GLRB: variants seen among roughly 807,000 people sequenced by gnomAD.
The protein encoded by GLRB is glycine receptor beta, also known as glycine receptor subunit beta.
GLRB carries 33 observed loss-of-function variants against 54.2 expected under a neutral mutation model. The ratio of observed to expected loss-of-function variants is 0.61; its 90% CI spans 0.46 to 0.81. GLRB has a LOEUF of 0.81. GLRB is among the 40% of genes least tolerant of loss of function. The pLI, the probability that GLRB is intolerant of heterozygous loss-of-function variation, is 0.00. For synonymous variants in GLRB, 209 were observed against 208.2 expected, an observed-to-expected ratio of 1.00 and a Z score of -0.03; for missense variants, 572 against 584.6, an observed-to-expected ratio of 0.98 and a Z score of 0.22.
chr4:157,093,754 C>CAAAAAAAA (rs70958808), intron 2 of GLRB, among the ~76,000 whole-genome samples: 2 of 60,842 alleles, frequency 3.3e-5, no homozygotes, highest in Non-Finnish European at 6.3e-5. Flanking sequence ...GACTCCATCT[C>CAAAAAAAA]AAAAAAAAAA....
chr4:157,078,275 A>G, intron 2 of GLRB, 129 bp downstream of exon 2: 3 of 1,482,232 alleles, frequency 2.0e-6, no homozygotes, highest in Non-Finnish European at 2.7e-6. Context: ...TCTGTTACAG[A>G]GACAGAAAAT....
At chr4:157,165,024 G>A (rs912313159) in intron 9 of GLRB, among the ~76,000 whole-genome samples, 3 of 152,004 alleles carry the variant, frequency 2.0e-5, no homozygotes, top group South Asian at 2.1e-4. Context: ...AAAAGACAAC[G>A]AGAGATGCAT....
intron 4 of GLRB, among the ~76,000 whole-genome samples, chr4:157,128,278 G>C (rs985469183): frequency 6.6e-6 from 1 of 151,582 alleles, no homozygotes; most frequent in Non-Finnish European, 1.5e-5. Flanking sequence ...TCAACAATTT[G>C]TTATGGATAC....
At chr4:157,147,787 G>A (rs1202515995) in intron 8 of GLRB, among the ~76,000 whole-genome samples, 1 of 152,110 alleles carries the variant, frequency 6.6e-6, no homozygotes, top group African/African-American at 2.4e-5. Context: ...TCCTGTAGAA[G>A]GCCAGAGAGT....
chr4:157,137,323 T>G (rs1354105161), intron 6 of GLRB, among the ~76,000 whole-genome samples: 5 of 152,120 alleles, frequency 3.3e-5, no homozygotes, highest in African/African-American at 1.2e-4. Flanking sequence ...TAAACAACTT[T>G]TTTACAAAAT....
intron 8 of GLRB, among the ~76,000 whole-genome samples, chr4:157,150,403 T>C (rs1242085099): frequency 2.0e-5 from 3 of 152,066 alleles, no homozygotes. Context: ...TCTAACCGAA[T>C]GTGTGGAATT....
At chr4:157,122,910 A>G (rs1247972212) in intron 4 of GLRB, among the ~76,000 whole-genome samples, 1 of 151,678 alleles carries the variant, frequency 6.6e-6, no homozygotes, top group Non-Finnish European at 1.5e-5. Flanking sequence ...AAGATGGTGC[A>G]GCAAGATGAA....
rs967248525 is a variant in GLRB at position 157,138,888 on chromosome 4, A to G, written c.690A>G (p.Gln230=). The part of the protein sequence containing the change: ...PVQLEKIALP[Q]FDIKKEDIEY... ...AATTAGAAAAAATTGCCTTGCCTCAATTTGATATCAAAAAGGAAGATATTG... is the reference window on the plus strand; with the variant it reads ...AATTAGAAAAAATTGCCTTGCCTCAGTTTGATATCAAAAAGGAAGATATTG... The change falls in exon 7 of 10, where the codon CAA becomes CAG. Residue 230 remains glutamine, a synonymous_variant. Coordinates refer to ENST00000264428, the MANE Select transcript of GLRB (RefSeq NM_000824.5). 2.0e-5 allele frequency: 30 copies of G among 1,504,014 alleles called. No individual in the cohort carries two copies. Among genetic ancestry groups the G allele is most frequent in the Non-Finnish European group, 2.7e-5 (29 of 1,080,706 alleles). The allele number at this position is 1,504,014 out of a possible 1,614,324, so 93.2% of individuals were successfully genotyped here.
At chr4:157,118,957 A>AGTC (rs946055081) in intron 2 of GLRB, among the ~76,000 whole-genome samples, 13 of 151,518 alleles carry the variant, frequency 8.6e-5, no homozygotes, top group African/African-American at 3.1e-4. Flanking sequence ...AATGGGAAAA[A>AGTC]TTATTATGCA....
Position 157,078,029 on chromosome 4 carries a change from AGTTTT to A in GLRB, c.6_10del (p.Lys2AsnfsTer20). 1 of 1,609,960 alleles carries A rather than the reference AGTTTT, an allele frequency of 6.2e-7. No individual in the cohort carries two copies. The highest frequency in any genetic ancestry group is 8.5e-7 in the Non-Finnish European group (1 of 1,176,768). ...TCTGAAATTCAAGTTTTCAAGATGA[AGTTTT>A]TATTGACAACTGCCTTTTTAATTTT... On this transcript the variant is annotated frameshift_variant, in exon 2 of 10. Coordinates refer to ENST00000264428, the MANE Select transcript of GLRB (RefSeq NM_000824.5). LOFTEE classifies it high-confidence loss of function.
chr4:157,098,845 C>T (rs1366784395), intron 2 of GLRB, among the ~76,000 whole-genome samples: 1 of 151,992 alleles, frequency 6.6e-6, no homozygotes, highest in East Asian at 1.9e-4. Context: ...TGACCTCAGG[C>T]AATCCACCTG....
chr4:157,158,566 C>T (rs889875985), intron 9 of GLRB, among the ~76,000 whole-genome samples: 6 of 152,162 alleles, frequency 3.9e-5, no homozygotes, highest in African/African-American at 1.2e-4. Flanking sequence ...CCAGTTTTCC[C>T]AGCACCATTT....
intron 9 of GLRB, among the ~76,000 whole-genome samples, chr4:157,165,976 T>C (rs1227451172): frequency 1.3e-5 from 2 of 152,056 alleles, no homozygotes; most frequent in East Asian, 1.9e-4. Context: ...CTGTAGAGGA[T>C]GCCATTATTG....
chr4:157,153,872 C>A (rs1737121378), intron 9 of GLRB, among the ~76,000 whole-genome samples: 1 of 152,180 alleles, frequency 6.6e-6, no homozygotes, highest in South Asian at 2.1e-4. Flanking sequence ...TCTGGTCCCA[C>A]AATTGCTCTA....
chr4:157,153,008 C>A lies in GLRB; in HGVS notation c.1195C>A (p.Gln399Lys), dbSNP rs1737085854. ...GACTCCTGTTCATATTAGCACTTTG[C>A]AGGTAAGGATAAAATTATGCCATGA... ...TGTPVHISTLQVGETRCKKVC... is the reference protein window; with the variant it reads ...TGTPVHISTLKVGETRCKKVC... The change falls in exon 9 of 10, where the codon CAG (glutamine) becomes AAG (lysine). Residue 399 changes from glutamine to lysine, a missense_variant and splice_region_variant. By Grantham distance (53) the Gln-to-Lys change is moderately conservative. Transcript: ENST00000264428. 2.5e-6 allele frequency: 4 copies of A among 1,611,232 alleles called. No individual in the cohort carries two copies. Among genetic ancestry groups the A allele is most frequent in the Non-Finnish European group, 3.4e-6 (4 of 1,177,516 alleles).
intron 2 of GLRB, among the ~76,000 whole-genome samples, chr4:157,090,264 TTAAAA>T (rs1397229864): frequency 6.6e-6 from 1 of 152,214 alleles, no homozygotes; most frequent in African/African-American, 2.4e-5. Flanking sequence ...ATTAAATCAC[TTAAAA>T]TAACTGTACG....
intron 9 of GLRB, among the ~76,000 whole-genome samples, chr4:157,161,189 C>A (rs1392830394): frequency 6.6e-6 from 1 of 152,148 alleles, no homozygotes; most frequent in Non-Finnish European, 1.5e-5. Context: ...CTTGGTGGAT[C>A]TTCCTCCTTC....
chr4:157,141,519 A>G (rs946665204), intron 7 of GLRB, among the ~76,000 whole-genome samples: 4 of 152,004 alleles, frequency 2.6e-5, no homozygotes. Flanking sequence ...TTATGATTAT[A>G]GAAGTAACAA....
At position 157,092,697 on chromosome 4, in the gene GLRB, G is replaced by A. The variant is rs543274325; in HGVS notation, c.122+14551G>A. Among the ~76,000 whole-genome samples the A allele has an allele frequency of 3.9e-5, 6 of 152,282 alleles. No individual in the cohort carries two copies. The South Asian group carries it at 8.3e-4, about 21-fold the overall frequency. ...GATGCTTGTCACATGGGAGGCCATC[G>A]ACTTTTCACAATGAATCTGTACTGC... On this transcript the variant is annotated intron_variant, in intron 2 of 9. Transcript: ENST00000264428.
Sources: gnomAD v4.1 joint callset for allele counts (sites outside exome capture counted in the v4.1 genomes callset) on GRCh38, gnomAD v4.1.1 for gene constraint, MANE v1.5 for transcripts, NCBI Gene and HGNC (gene_info 2026-07-23, HGNC 2026-07-21) for gene names.